Variants in PC observed in about 807,000 individuals in gnomAD.
PC encodes pyruvate carboxylase, mitochondrial.
A neutral mutation model predicts 107.8 loss-of-function variants in PC; 46 were observed. The observed-to-expected ratio is 0.43, with a 90% CI of 0.34 to 0.55. PC has a LOEUF of 0.55. Among genes scored for constraint, PC ranks in the 20% least tolerant of loss-of-function variants. The pLI is 0.04. For synonymous variants in PC, 662 were observed against 684.7 expected (o/e 0.97, Z 0.52); for missense variants, 1,241 against 1,643.1 (o/e 0.76, Z 4.23).
In PC at chr11:66,849,875, G is replaced by C; in HGVS notation, c.2899-16C>G. On this transcript the variant is annotated splice_polypyrimidine_tract_variant and intron_variant, in intron 20 of 22. Transcript: ENST00000393960. ...CCTTCAGTACCTGGGGAGCAAAGCA[G>C]AGGATCAGTCCCAAGTCCTGCATCC... 1 of 1,613,666 alleles carries C rather than the reference G, an allele frequency of 6.2e-7. No individual in the cohort carries two copies.
At chr11:66,886,298 G>A (rs910849833) in intron 3 of PC, among the ~76,000 whole-genome samples, 21 of 149,786 alleles carry the variant, frequency 1.4e-4, no homozygotes, top group African/African-American at 4.6e-4. Flanking sequence ...GGCGTGGCCC[G>A]CTGAGGCAGG....
At chr11:66,954,833 C>T (rs187533015) in intron 1 of PC, among the ~76,000 whole-genome samples, 2 of 152,186 alleles carry the variant, frequency 1.3e-5, no homozygotes, top group African/African-American at 4.8e-5. Flanking sequence ...ATCCCAGCTA[C>T]TCAGGAGGCT....
chr11:66,940,516 T>C (rs1007617479), intron 3 of PC, among the ~76,000 whole-genome samples: 4 of 151,144 alleles, frequency 2.6e-5, no homozygotes, highest in South Asian at 2.1e-4. Flanking sequence ...GGTGAAACGC[T>C]GTCTCCACAA....
At chr11:66,853,439 AGAG>A in intron 12 of PC, 56 bp from the exon 13 acceptor site, 1 of 1,602,402 alleles carries the variant, frequency 6.2e-7, no homozygotes, top group Middle Eastern at 1.7e-4. Flanking sequence ...CAGGGAAGGC[AGAG>A]GAGAAAAGGC....
intron 3 of PC, among the ~76,000 whole-genome samples, chr11:66,916,620 G>A (rs1368722334): frequency 6.6e-6 from 1 of 152,174 alleles, no homozygotes; most frequent in Non-Finnish European, 1.5e-5. Context: ...AATAAACGTG[G>A]AAGGGAGAAA....
At chr11:66,947,125 T>C (rs1315082950) in intron 3 of PC, among the ~76,000 whole-genome samples, 2 of 152,114 alleles carry the variant, frequency 1.3e-5, no homozygotes, top group Admixed American at 1.3e-4. Context: ...ATCCAGCCAC[T>C]CCACTCCTAG....
chr11:66,919,407 C>A (rs1217263327), intron 3 of PC, among the ~76,000 whole-genome samples: 1 of 152,216 alleles, frequency 6.6e-6, no homozygotes, highest in Non-Finnish European at 1.5e-5. Flanking sequence ...CAGAGTGAGA[C>A]TCTGTCTCAA....
chr11:66,860,021 C>G (rs755250262), intron 12 of PC: 3 of 1,586,496 alleles, frequency 1.9e-6, no homozygotes, highest in Non-Finnish European at 1.7e-6. Context: ...GCCCCCCGCC[C>G]CGGCCGCAGC....
Position 66,870,253 on chromosome 11 carries a change from G to A in PC, c.903+49C>T, listed in dbSNP as rs115002461. 7.9e-5 allele frequency: 127 copies of A among 1,607,042 alleles called. 1 individual carries two copies. In the African/African-American group the frequency reaches 1.4e-3, roughly 17 times the overall value. On this transcript the variant is annotated intron_variant, in intron 9 of 22. Transcript: ENST00000393960. This position sits in a 1 kb window ranked among gnomAD's most constrained non-coding sequence, Gnocchi z 6.1. The stretch of plus-strand genomic sequence containing the variant: ...CCAGCGCCCCACTGTGAGGCCTGCC[G>A]GCCTGTGAGCACAGGCTCCTGTCCC...
chr11:66,892,402 A>G (rs1021149815), intron 3 of PC, among the ~76,000 whole-genome samples: 2 of 152,170 alleles, frequency 1.3e-5, no homozygotes, highest in Non-Finnish European at 2.9e-5. Context: ...ACGTTCCAGA[A>G]CGCACAACCA....
intron 3 of PC, among the ~76,000 whole-genome samples, chr11:66,882,584 A>G (rs1327528326): frequency 6.6e-6 from 1 of 152,204 alleles, no homozygotes; most frequent in Non-Finnish European, 1.5e-5. Context: ...GAACCAACAA[A>G]GCTCCACACA....
intron 3 of PC, among the ~76,000 whole-genome samples, chr11:66,930,064 C>G (rs927819077): frequency 1.3e-5 from 2 of 152,066 alleles, no homozygotes; most frequent in Non-Finnish European, 2.9e-5. Flanking sequence ...TTGGGACTTC[C>G]AAAGGATACT....
intron 12 of PC, among the ~76,000 whole-genome samples, chr11:66,854,544 A>T (rs888216378): frequency 6.6e-6 from 1 of 152,144 alleles, no homozygotes; most frequent in Non-Finnish European, 1.5e-5. Context: ...GGTGAGTATG[A>T]CTTAAACGGG....
chr11:66,864,311 T>C (rs1223226706), intron 11 of PC, among the ~76,000 whole-genome samples: 1 of 152,220 alleles, frequency 6.6e-6, no homozygotes, highest in African/African-American at 2.4e-5. Flanking sequence ...AGCAACCCTC[T>C]AGCCTTTCAG....
intron 3 of PC, among the ~76,000 whole-genome samples, chr11:66,896,365 C>G (rs1341594418): frequency 6.6e-6 from 1 of 152,180 alleles, no homozygotes; most frequent in Non-Finnish European, 1.5e-5. Flanking sequence ...AGGCATGAGC[C>G]ATGGCTCCTG....
rs189295568 is a variant in PC, at chr11:66,927,564, A to C, written c.-1+24866T>G. 7.9e-5 allele frequency among the ~76,000 whole-genome samples: 12 copies of C among 152,042 alleles called. No homozygotes were observed. The East Asian group carries it at 2.3e-3, about 30-fold the overall frequency. ...CAGTGAAACCCCATCTCTACTAAAA[A>C]TACAAAAAATTAGCTGGGCCTGGTG... On this transcript the variant is annotated intron_variant, in intron 3 of 22. Coordinates refer to ENST00000393960, the MANE Select transcript of PC (RefSeq NM_001040716.2).
chr11:66,958,233 T>A (rs1369167821), intron 1 of PC, 89 bp downstream of exon 1: 2 of 152,006 alleles, frequency 1.3e-5, no homozygotes, highest in East Asian at 3.9e-4. Flanking sequence ...GACCCTTACA[T>A]AAGCGTCCCT....
chr11:66,949,033 G>A (rs893937459), intron 3 of PC, among the ~76,000 whole-genome samples: 10 of 150,476 alleles, frequency 6.6e-5, no homozygotes, highest in African/African-American at 2.2e-4. Context: ...TTGCTGTGTC[G>A]CCAGGCTGGA....
At chr11:66,850,637 TGA>T (rs904561998) in intron 18 of PC, 35 bp downstream of exon 18, 3 of 1,603,458 alleles carry the variant, frequency 1.9e-6, no homozygotes, top group Non-Finnish European at 2.5e-6. Context: ...GCTGCGGCTT[TGA>T]GAGGGGTGTG....
Sources: gnomAD v4.1 joint callset for allele counts (sites outside exome capture counted in the v4.1 genomes callset) on GRCh38, gnomAD v4.1.1 for gene constraint, Gnocchi (gnomAD v3.1) non-coding constraint, MANE v1.5 for transcripts, NCBI Gene and HGNC (gene_info 2026-07-23, HGNC 2026-07-21) for gene names.